GCNT1: variants seen among roughly 807,000 people sequenced by gnomAD.
The protein encoded by GCNT1 is beta-1,3-galactosyl-O-glycosyl-glycoprotein beta-1,6-N-acetylglucosaminyltransferase.
Under a neutral mutation model 26.2 loss-of-function variants are expected in GCNT1, and 16 were observed. That is an observed-to-expected ratio of 0.61 (90% confidence interval 0.41 to 0.93). GCNT1 has a LOEUF of 0.93. GCNT1 is among the 40% of genes least tolerant of loss of function. The probability of loss-of-function intolerance (pLI) is 0.00; values close to 1 mark genes in which losing one functional copy is unlikely to be tolerated. For missense variants in GCNT1, 477 were observed against 526.7 expected, an observed-to-expected ratio of 0.91 and a Z score of 0.92; for synonymous variants, 183 against 190.8, an observed-to-expected ratio of 0.96 and a Z score of 0.34.
chr9:76,470,051 A>G (rs1169794568), intron 2 of GCNT1, among the ~76,000 whole-genome samples: 4 of 152,190 alleles, frequency 2.6e-5, no homozygotes, highest in African/African-American at 4.8e-5. Context: ...CTTAGGGTCT[A>G]TACTAAGAAA....
At chr9:76,484,986 A>G (rs1011212049) in intron 2 of GCNT1, among the ~76,000 whole-genome samples, 14 of 151,768 alleles carry the variant, frequency 9.2e-5, no homozygotes, top group African/African-American at 3.4e-4. Context: ...ACGGGGTTTC[A>G]CCATGTTGGC....
At chr9:76,413,668 GT>G in the GCNT1 span, among the ~76,000 whole-genome samples, 10,460 of 84,066 alleles carry the variant, frequency 0.12, 388 homozygotes, top group African/African-American at 0.22. Context: ...TTTTTTTTTT[GT>G]TTTTTTTTTT....
intron 1 of GCNT1, among the ~76,000 whole-genome samples, chr9:76,423,895 A>G (rs765604232): frequency 6.6e-6 from 1 of 152,248 alleles, no homozygotes; most frequent in African/African-American, 2.4e-5. Flanking sequence ...TTGTTAGATC[A>G]AAGGCTTGCT....
chr9:76,452,566 G>A (rs1823688723), intron 1 of GCNT1, among the ~76,000 whole-genome samples: 1 of 152,134 alleles, frequency 6.6e-6, no homozygotes, highest in Non-Finnish European at 1.5e-5. Context: ...AGTTGAAGGG[G>A]AAGCAGGTAC....
chr9:76,407,607 T>C, the GCNT1 span, among the ~76,000 whole-genome samples: 27 of 152,224 alleles, frequency 1.8e-4, no homozygotes. Flanking sequence ...CTGGGTCTTT[T>C]GTGTCTCCAT....
At position 76,505,970 on chromosome 9, in the gene GCNT1, G is replaced by A. The variant is rs1163432867; in HGVS notation, c.*2302G>A. The A allele has an allele frequency of 1.2e-5, 2 of 166,906 alleles. No homozygotes were observed. Among genetic ancestry groups the A allele is most frequent in the South Asian group, 2.1e-4 (1 of 4,830 alleles). The allele number at this position is 166,906 out of a possible 1,614,324, so 10.3% of individuals were successfully genotyped here. A position where few individuals can be genotyped will look rare whatever the true frequency, so the allele number is the denominator to read the frequency against. The stretch of plus-strand genomic sequence containing the variant: ...TCTAAAATGGAACTTGTTAAAAAGT[G>A]TTCAAACACTATCCCTAATGCCTGC... On this transcript the variant is annotated 3_prime_UTR_variant, in exon 4 of 4. Coordinates refer to ENST00000376730, the MANE Select transcript of GCNT1 (RefSeq NM_001490.5).
chr9:76,402,651 T>A, the GCNT1 span, among the ~76,000 whole-genome samples: 2 of 151,532 alleles, frequency 1.3e-5, no homozygotes, highest in African/African-American at 2.4e-5. Context: ...AGCTGCCTCA[T>A]AATAACCCAT....
the GCNT1 span, chr9:76,394,474 C>G: frequency 3.5e-6 from 1 of 288,366 alleles, no homozygotes; most frequent in Non-Finnish European, 6.5e-6. Context: ...AAGCGCAGAG[C>G]CGGCCTCCGC....
At chr9:76,478,518 A>AGCTTC (rs1824318718) in intron 2 of GCNT1, among the ~76,000 whole-genome samples, 1 of 152,236 alleles carries the variant, frequency 6.6e-6, no homozygotes, top group African/African-American at 2.4e-5. Context: ...GAGGGTCCGC[A>AGCTTC]GCTTCATTCT....
chr9:76,440,970 A>G (rs1823476003), upstream of GCNT1, among the ~76,000 whole-genome samples: 1 of 150,088 alleles, frequency 6.7e-6, no homozygotes, highest in Admixed American at 6.7e-5. Flanking sequence ...AGGCTGAGGT[A>G]GGAAAAATTG....
At chr9:76,485,280 A>G (rs183804980) in intron 2 of GCNT1, among the ~76,000 whole-genome samples, 1 of 151,048 alleles carries the variant, frequency 6.6e-6, no homozygotes, top group Non-Finnish European at 1.5e-5. Flanking sequence ...TCAAGTGATT[A>G]TCCTGCCTTA....
chr9:76,427,865 C>G (rs1185899269), intron 1 of GCNT1, among the ~76,000 whole-genome samples: 1 of 152,034 alleles, frequency 6.6e-6, no homozygotes, highest in Non-Finnish European at 1.5e-5. Flanking sequence ...ACCTGCAGTC[C>G]CAGATAGTTG....
At chr9:76,499,881 T>G (rs1391497806) in intron 2 of GCNT1, among the ~76,000 whole-genome samples, 1 of 152,192 alleles carries the variant, frequency 6.6e-6, no homozygotes, top group East Asian at 1.9e-4. Flanking sequence ...CCAAACTTGT[T>G]ATATAAATTA....
upstream of GCNT1, among the ~76,000 whole-genome samples, chr9:76,456,413 G>C (rs1425607434): frequency 6.6e-6 from 1 of 152,082 alleles, no homozygotes. Flanking sequence ...GCCAACCAGG[G>C]GCCCTCTCCT....
At chr9:76,495,550 C>G (rs552426724) in intron 2 of GCNT1, among the ~76,000 whole-genome samples, 11 of 152,248 alleles carry the variant, frequency 7.2e-5, no homozygotes, top group African/African-American at 1.4e-4. Context: ...CTGATTGGTC[C>G]ATTTTACAGA....
chr9:76,479,534 C>A (rs1824360419), intron 2 of GCNT1, among the ~76,000 whole-genome samples: 1 of 152,194 alleles, frequency 6.6e-6, no homozygotes, highest in Non-Finnish European at 1.5e-5. Flanking sequence ...TGTTACCTGA[C>A]TTTTTAATGA....
At chr9:76,430,462 T>TC (rs1382113997) in intron 1 of GCNT1, among the ~76,000 whole-genome samples, 1 of 151,844 alleles carries the variant, frequency 6.6e-6, no homozygotes, top group Non-Finnish European at 1.5e-5. Flanking sequence ...GCTCCCTGCA[T>TC]CCTTGACCTC....
chr9:76,421,262 T>A (rs1288896690), intron 1 of GCNT1, among the ~76,000 whole-genome samples: 1 of 152,010 alleles, frequency 6.6e-6, no homozygotes, highest in Non-Finnish European at 1.5e-5. Flanking sequence ...TAAATAAACT[T>A]GTTAGATTTT....
chr9:76,444,779 C>T (rs1485168573), intron 1 of GCNT1, among the ~76,000 whole-genome samples: 1 of 152,172 alleles, frequency 6.6e-6, no homozygotes, highest in Non-Finnish European at 1.5e-5. Flanking sequence ...CTGTGTTGTT[C>T]TGGAGACCTC....
Sources: gnomAD v4.1 joint callset for allele counts (sites outside exome capture counted in the v4.1 genomes callset) on GRCh38, gnomAD v4.1.1 for gene constraint, MANE v1.5 for transcripts, NCBI Gene and HGNC (gene_info 2026-07-23, HGNC 2026-07-21) for gene names.